The following SLC29A1 variants were observed in gnomAD, a reference collection of about 807,000 sequenced individuals.
SLC29A1 encodes solute carrier family 29 member 1 (Augustine blood group).
In SLC29A1, 22 loss-of-function variants were observed where a neutral mutation model predicts 48.3. The ratio of observed to expected loss-of-function variants is 0.46; its 90% CI spans 0.33 to 0.65. The LOEUF is 0.65. Ranked by LOEUF, SLC29A1 falls within the 30% of genes least tolerant of loss-of-function variation. The probability of loss-of-function intolerance (pLI) is 0.03; values close to 1 mark genes in which losing one functional copy is unlikely to be tolerated. For synonymous variants in SLC29A1, 228 were observed against 231.0 expected (o/e 0.99, Z 0.12); for missense variants, 491 against 575.3 (o/e 0.85, Z 1.50).
chr6:44,223,910 C>A lies in SLC29A1; in HGVS notation c.-52+269C>A. On this transcript the variant is annotated intron_variant, in intron 1 of 12. Coordinates refer to ENST00000371755, the MANE Select transcript of SLC29A1 (RefSeq NM_001372327.1). This position sits in a 1 kb window ranked among gnomAD's most constrained non-coding sequence, Gnocchi z 5.0. ...CTAAAACAGGCTGCGGTCACGTTGA[C>A]CTCCGCAAGGGGCAGGCGAGTGGAC... 1.0e-6 allele frequency: 1 copy of A among 994,758 alleles called. No individual in the cohort carries two copies. 61.6% of individuals were successfully genotyped at this position (994,758 alleles called of 1,614,324 possible).
chr6:44,230,246 G>A (rs1221712093), intron 5 of SLC29A1, 101 bp from the exon 6 acceptor site: 2 of 1,545,070 alleles, frequency 1.3e-6, no homozygotes, highest in Admixed American at 1.7e-5. Context: ...TCAGCCTCAA[G>A]GCTCACCAAG....
At chr6:44,220,986 C>A (rs989282770), upstream of SLC29A1, among the ~76,000 whole-genome samples, 5 of 152,184 alleles carry the variant, frequency 3.3e-5, 1 homozygote, top group African/African-American at 1.2e-4. Context: ...CTCTAGTGAA[C>A]CTCCGGCCTC....
At chr6:44,226,161 G>T in intron 1 of SLC29A1, 1 of 980,764 alleles carries the variant, frequency 1.0e-6, no homozygotes, top group Non-Finnish European at 1.2e-6. Context: ...GCCAGTCTGG[G>T]CACCTGGTGA....
chr6:44,230,837 C>G lies in SLC29A1; in HGVS notation c.714C>G (p.Leu238=). ...RLEFYRYYQQ[L]KLEGPGEQET... is the part of the protein sequence containing the mutation. Reference sequence around the variant, plus strand: ...AATTCTACCGCTACTACCAGCAGCTCAAGCTTGAAGGACCCGGGGAGCAGG... The same window carrying G: ...AATTCTACCGCTACTACCAGCAGCTGAAGCTTGAAGGACCCGGGGAGCAGG... The change falls in exon 8 of 13, where the codon CTC becomes CTG. Residue 238 remains leucine, a synonymous_variant. Coordinates refer to ENST00000371755, the MANE Select transcript of SLC29A1 (RefSeq NM_001372327.1). 6.2e-7 allele frequency: 1 copy of G among 1,614,130 alleles called. No homozygotes were observed. The highest frequency in any genetic ancestry group is 8.5e-7 in the Non-Finnish European group (1 of 1,180,006).
intron 1 of SLC29A1, chr6:44,227,020 G>T: frequency 7.9e-7 from 1 of 1,268,024 alleles, no homozygotes; most frequent in Non-Finnish European, 1.0e-6. Context: ...AGCGGTGGCA[G>T]CGGCCAGGCC....
rs1374524579 is a variant in SLC29A1, at chr6:44,230,363, G to A, written c.471G>A (p.Leu157=). 2 of 1,613,138 alleles carry A rather than the reference G, an allele frequency of 1.2e-6. No homozygotes were observed. The highest frequency in any genetic ancestry group is 1.7e-6 in the Non-Finnish European group (2 of 1,179,294). ...TTTCCCCAGCATTTGGTGCCATCCT[G>A]CAGGGCAGCCTGTTTGGTCTGGCTG... ...IVLINSFGAI[L]QGSLFGLAGL... is the part of the protein sequence containing the mutation. The change falls in exon 6 of 13, where the codon CTG becomes CTA. Residue 157 remains leucine, a synonymous_variant. Coordinates refer to ENST00000371755, the MANE Select transcript of SLC29A1 (RefSeq NM_001372327.1).
In SLC29A1 at chr6:44,227,254, C is replaced by T; in HGVS notation, c.-51-9C>T. ...AGACAGGGCCTCACACTGTTCCTGC[C>T]CCCAGCAGGCCCCTGAGGGAGGGAG... On this transcript the variant is annotated splice_polypyrimidine_tract_variant and intron_variant, in intron 1 of 12. Coordinates refer to ENST00000371755, the MANE Select transcript of SLC29A1 (RefSeq NM_001372327.1). The T allele has an allele frequency of 6.2e-7, 1 of 1,612,340 alleles. No individual in the cohort carries two copies. Among genetic ancestry groups the T allele is most frequent in the Non-Finnish European group, 8.5e-7 (1 of 1,179,090 alleles).
At chr6:44,226,884 TC>T (rs1423880952) in intron 1 of SLC29A1, 1 of 1,057,344 alleles carries the variant, frequency 9.5e-7, no homozygotes. Context: ...CTGACCCCTC[TC>T]GTCCTCTTGC....
In SLC29A1 at chr6:44,229,231, C is replaced by CA; in HGVS notation, c.30-159_30-158insA. Among the ~76,000 whole-genome samples the CA allele has an allele frequency of 6.6e-6, 1 of 152,316 alleles. No individual in the cohort carries two copies. The highest frequency in any genetic ancestry group is 3.4e-3 in the Middle Eastern group (1 of 294). On this transcript the variant is annotated intron_variant, in intron 2 of 12. Transcript: ENST00000371755. This position sits in a 1 kb window ranked among gnomAD's most constrained non-coding sequence, Gnocchi z 5.1. ...ACGAGCAATGTACCCTTTTCTCCCC[C>CA]CACACCCATAAGAGGACACATGCAA...
At chr6:44,221,698 T>C, upstream of SLC29A1, 1 of 1,259,548 alleles carries the variant, frequency 7.9e-7, no homozygotes, top group African/African-American at 1.5e-5. This position sits in a 1 kb window ranked among gnomAD's most constrained non-coding sequence, Gnocchi z 4.2. Context: ...AAGTTGGGGC[T>C]CCCAGGCTGT....
Position 44,223,760 on chromosome 6 carries a change from C to G in SLC29A1, c.-52+119C>G. ...ACGGCTCCGCAGCCCGGAGAAGGGA[C>G]GCCGGGTGGGGCCCCAGTGCGGAGC... is the stretch of plus-strand genomic sequence containing the variant. On this transcript the variant is annotated intron_variant, in intron 1 of 12. Transcript: ENST00000371755. The surrounding 1 kb of genome is among the most constrained non-coding windows in gnomAD (Gnocchi z 5.0). 7 of 1,032,418 alleles carry G rather than the reference C, an allele frequency of 6.8e-6. No homozygotes were observed. The highest frequency in any genetic ancestry group is 8.2e-6 in the Non-Finnish European group (7 of 856,690). 64.0% of individuals were successfully genotyped at this position (1,032,418 alleles called of 1,614,324 possible). A position where few individuals can be genotyped will look rare whatever the true frequency, so the allele number is the denominator to read the frequency against.
rs745608414 is a variant in SLC29A1, at chr6:44,232,155, T to A, written c.973+49T>A. ...GATGGGAACAGACAGGATCTTGAGT[T>A]GGGCTGGAAGTGGGGAAGGGAGGGA... On this transcript the variant is annotated intron_variant, in intron 10 of 12. Coordinates refer to ENST00000371755, the MANE Select transcript of SLC29A1 (RefSeq NM_001372327.1). The surrounding 1 kb of genome is among the most constrained non-coding windows in gnomAD (Gnocchi z 4.7). 8.1e-6 allele frequency: 12 copies of A among 1,479,690 alleles called. No individual in the cohort carries two copies. The South Asian group carries it at 1.4e-4, about 17-fold the overall frequency. The allele number at this position is 1,479,690 out of a possible 1,614,324, so 91.7% of individuals were successfully genotyped here.
chr6:44,231,795 A>C lies in SLC29A1; in HGVS notation c.865-203A>C, dbSNP rs187655599. ...AGGCATATGCCACCATGCCCGGCTA[A>C]TTTTTTGTATTTAGTAGAGATGGGG... On this transcript the variant is annotated intron_variant, in intron 9 of 12. Transcript: ENST00000371755. Among the ~76,000 whole-genome samples, 359 of 152,134 alleles carry C rather than the reference A, an allele frequency of 2.4e-3. 1 individual carries two copies. Among genetic ancestry groups the C allele is most frequent in the Non-Finnish European group, 2.6e-3 (180 of 67,976 alleles).
At chr6:44,220,263 G>A (rs903217321), upstream of SLC29A1, among the ~76,000 whole-genome samples, 1 of 151,206 alleles carries the variant, frequency 6.6e-6, no homozygotes, top group African/African-American at 2.4e-5. Flanking sequence ...CTGCAGCCTC[G>A]ACCTCATGGA....
chr6:44,226,685 TCCC>T, intron 1 of SLC29A1: 1 of 962,360 alleles, frequency 1.0e-6, no homozygotes, highest in Non-Finnish European at 1.2e-6. Flanking sequence ...ATCCAGGGGC[TCCC>T]CAGGGAGGGT....
At position 44,232,857 on chromosome 6, in the gene SLC29A1, G is replaced by C. The variant is rs373859729; in HGVS notation, c.1110G>C (p.Val370=). 5.6e-6 allele frequency: 9 copies of C among 1,613,738 alleles called. No individual in the cohort carries two copies. Among genetic ancestry groups the C allele is most frequent in the Non-Finnish European group, 7.6e-6 (9 of 1,180,050 alleles). Residue 370 remains valine, a synonymous_variant, in exon 12 of 13, where the codon GTG becomes GTC. Transcript: ENST00000371755. The surrounding 1 kb of genome is among the most constrained non-coding windows in gnomAD (Gnocchi z 4.7). ...WLPSLVLARL[V]FVPLLLLCNI... is the part of the protein sequence containing the mutation. ...CAAGCCTGGTGCTGGCCCGGCTGGT[G>C]TTTGTGCCACTGCTGCTGCTGTGCA...
rs549139120 is a variant in SLC29A1 at position 44,232,598 on chromosome 6, T to TTCA, written c.1059+170_1059+171insTCA. 158 of 640,224 alleles carry TTCA rather than the reference T, an allele frequency of 2.5e-4. No homozygotes were observed. In the African/African-American group the frequency reaches 2.5e-3, roughly 10 times the overall value. 39.7% of individuals were successfully genotyped at this position (640,224 alleles called of 1,614,324 possible). The stretch of plus-strand genomic sequence containing the variant: ...TTAAGTGTACAACTTAATGAATATA[T>TTCA]GTATATACACATACCTGCCCAGATC... On this transcript the variant is annotated intron_variant, in intron 11 of 12. Transcript: ENST00000371755. This position sits in a 1 kb window ranked among gnomAD's most constrained non-coding sequence, Gnocchi z 4.7.
Position 44,223,988 on chromosome 6 carries a change from G to C in SLC29A1, c.-52+347G>C. On this transcript the variant is annotated intron_variant, in intron 1 of 12. Coordinates refer to ENST00000371755, the MANE Select transcript of SLC29A1 (RefSeq NM_001372327.1). This position sits in a 1 kb window ranked among gnomAD's most constrained non-coding sequence, Gnocchi z 5.0. ...TCAGGGAGGGGCCGTGCCGCTGACT[G>C]CGCTGGCGGAGGGGTATGGGGATGG... is the stretch of plus-strand genomic sequence containing the variant. 10 of 978,756 alleles carry C rather than the reference G, an allele frequency of 1.0e-5. No individual in the cohort carries two copies. The highest frequency in any genetic ancestry group is 1.1e-5 in the Non-Finnish European group (9 of 823,844). 60.6% of individuals were successfully genotyped at this position (978,756 alleles called of 1,614,324 possible). A position where few individuals can be genotyped will look rare whatever the true frequency, so the allele number is the denominator to read the frequency against.
upstream of SLC29A1, chr6:44,221,714 AG>A (rs768949631): frequency 8.4e-7 from 1 of 1,190,628 alleles, no homozygotes; most frequent in South Asian, 1.3e-5. The surrounding 1 kb of genome is among the most constrained non-coding windows in gnomAD (Gnocchi z 4.2). Context: ...GCTGTCCAGC[AG>A]GGGGCCCTGG....
Sources: allele counts gnomAD v4.1 joint callset (sites outside exome capture counted in the v4.1 genomes callset), GRCh38; gene constraint gnomAD v4.1.1; non-coding constraint Gnocchi (gnomAD v3.1); transcripts MANE v1.5; gene names NCBI Gene and HGNC (gene_info 2026-07-23, HGNC 2026-07-21).